The following ATAD2B variants were observed in gnomAD, a reference collection of about 807,000 sequenced individuals.
ATAD2B encodes the protein ATPase family AAA domain-containing protein 2B.
ATAD2B carries 40 observed loss-of-function variants against 167.6 expected under a neutral mutation model. The ratio of observed to expected loss-of-function variants is 0.24; its 90% CI spans 0.19 to 0.31. The LOEUF is 0.31. ATAD2B is among the 10% of genes least tolerant of loss of function. ATAD2B has a pLI of 1.00. For missense variants in ATAD2B, 1,242 were observed against 1,757.2 expected, an observed-to-expected ratio of 0.71 and a Z score of 5.24; for synonymous variants, 579 against 596.5, an observed-to-expected ratio of 0.97 and a Z score of 0.43.
chr2:23,831,736 A>C (rs1689105739), intron 14 of ATAD2B, among the ~76,000 whole-genome samples: 1 of 152,226 alleles, frequency 6.6e-6, no homozygotes, highest in African/African-American at 2.4e-5. Flanking sequence ...GCCAGCTCCT[A>C]TCTAAAGTCA....
chr2:23,716,417 G>C, the ATAD2B span, among the ~76,000 whole-genome samples: 1 of 150,424 alleles, frequency 6.6e-6, no homozygotes, highest in Non-Finnish European at 1.5e-5. Context: ...ATATTAGCCT[G>C]CACCTAAGGT....
At chr2:23,806,890 A>C (rs567575429) in intron 18 of ATAD2B, among the ~76,000 whole-genome samples, 1 of 152,362 alleles carries the variant, frequency 6.6e-6, no homozygotes, top group South Asian at 2.1e-4. Context: ...TTTAATCTGC[A>C]TAATTTGACT....
chr2:23,763,145 T>C (rs896996002), intron 23 of ATAD2B, among the ~76,000 whole-genome samples: 2 of 152,220 alleles, frequency 1.3e-5, no homozygotes, highest in Non-Finnish European at 1.5e-5. Context: ...TTTGTTCTTA[T>C]AGATTCCCTA....
chr2:23,811,046 CAAAT>C (rs538330780), intron 17 of ATAD2B: 3,437 of 122,972 alleles, frequency 0.028, 144 homozygotes, highest in African/African-American at 0.097. Context: ...AACAAACAAA[CAAAT>C]AATAAAATAA....
intron 4 of ATAD2B, among the ~76,000 whole-genome samples, chr2:23,886,728 G>C (rs996116063): frequency 5.5e-5 from 8 of 145,512 alleles, no homozygotes; most frequent in Non-Finnish European, 9.1e-5. Context: ...TCAGGAGATA[G>C]AGACCATCCT....
intron 17 of ATAD2B, among the ~76,000 whole-genome samples, chr2:23,810,948 T>C (rs1572860618): frequency 6.6e-6 from 1 of 151,138 alleles, no homozygotes; most frequent in African/African-American, 2.4e-5. Context: ...GAGGCGAAGG[T>C]TGCAGTGAGC....
Position 23,854,659 on chromosome 2 carries a change from C to A in ATAD2B, c.1568+2756G>T, listed in dbSNP as rs182996880. ...TGCCATTGCACTCCAGCCTGGGGCA[C>A]AAGATCGAGACTTCGTCTCAAAAAA... On this transcript the variant is annotated intron_variant, in intron 13 of 27. Transcript: ENST00000238789. Among the ~76,000 whole-genome samples the A allele has an allele frequency of 3.6e-3, 491 of 136,114 alleles. 4 individuals carry two copies. Among genetic ancestry groups the A allele is most frequent in the Non-Finnish European group, 6.4e-3 (410 of 64,292 alleles). The allele number at this position is 136,114 out of a possible 152,430, so 89.3% of individuals were successfully genotyped here.
intron 22 of ATAD2B, among the ~76,000 whole-genome samples, chr2:23,765,845 AAAC>A (rs1219684351): frequency 6.6e-6 from 1 of 152,188 alleles, no homozygotes; most frequent in African/African-American, 2.4e-5. Context: ...TCAAAGGACT[AAAC>A]CTATTACCAT....
intron 23 of ATAD2B, 129 bp downstream of exon 23, chr2:23,765,377 G>T (rs780389150): frequency 3.7e-6 from 3 of 803,408 alleles, no homozygotes; most frequent in Non-Finnish European, 5.1e-6. Context: ...ATTAGTATCA[G>T]AAATTAAATA....
intron 23 of ATAD2B, among the ~76,000 whole-genome samples, chr2:23,764,405 A>ATCTAATTCATAGG (rs1677136068): frequency 6.6e-6 from 1 of 152,218 alleles, no homozygotes; most frequent in Non-Finnish European, 1.5e-5. Context: ...TTCTCAGAGA[A>ATCTAATTCATAGG]TCTAATTCAT....
At chr2:23,820,042 TTATAAACAAAATTAA>T (rs2149625538) in intron 16 of ATAD2B, among the ~76,000 whole-genome samples, 160 bp from the exon 17 acceptor site, 1 of 152,216 alleles carries the variant, frequency 6.6e-6, no homozygotes, top group South Asian at 2.1e-4. Context: ...TTAAAATAAC[TTATAAACAAAATTAA>T]TATAACACTT....
chr2:23,919,231 T>G (rs867449625), intron 1 of ATAD2B, among the ~76,000 whole-genome samples: 20 of 151,754 alleles, frequency 1.3e-4, no homozygotes, highest in African/African-American at 4.8e-4. Flanking sequence ...TAATTTAAAG[T>G]GAGTCATACT....
chr2:23,825,640 G>A (rs1037890367), intron 15 of ATAD2B, among the ~76,000 whole-genome samples: 9 of 152,004 alleles, frequency 5.9e-5, no homozygotes, highest in African/African-American at 1.2e-4. Context: ...TTCCATTTCC[G>A]AGGAAATAGG....
chr2:23,835,949 AAT>A (rs1410886251), intron 13 of ATAD2B, among the ~76,000 whole-genome samples: 1 of 151,952 alleles, frequency 6.6e-6, no homozygotes, highest in African/African-American at 2.4e-5. Flanking sequence ...AAAAAAAAAA[AAT>A]GAGTGAACTG....
intron 22 of ATAD2B, among the ~76,000 whole-genome samples, chr2:23,767,079 T>C (rs2149334718): frequency 6.6e-6 from 1 of 152,322 alleles, no homozygotes; most frequent in East Asian, 1.9e-4. Context: ...TGTTCAATTC[T>C]TTGCCTTCTA....
intron 8 of ATAD2B, 51 bp downstream of exon 8, chr2:23,875,778 T>C: frequency 8.4e-7 from 1 of 1,189,136 alleles, no homozygotes; most frequent in South Asian, 1.3e-5. Flanking sequence ...AAAGACACAA[T>C]TAGTCTCTCA....
intron 14 of ATAD2B, 32 bp downstream of exon 14, chr2:23,833,887 A>T (rs1164546959): frequency 6.5e-7 from 1 of 1,533,378 alleles, no homozygotes; most frequent in Non-Finnish European, 8.8e-7. Context: ...ATTACATATA[A>T]ATGTTAACAT....
At chr2:23,742,243 A>T in the ATAD2B span, among the ~76,000 whole-genome samples, 2 of 152,190 alleles carry the variant, frequency 1.3e-5, no homozygotes, top group East Asian at 3.9e-4. Flanking sequence ...TGCTATAAAG[A>T]CACATGCACA....
chr2:23,730,468 C>T, the ATAD2B span, among the ~76,000 whole-genome samples: 1 of 151,466 alleles, frequency 6.6e-6, no homozygotes, highest in African/African-American at 2.4e-5. Flanking sequence ...AGATCGAGAC[C>T]ATCCTGGCTA....
Sources: allele counts gnomAD v4.1 joint callset (sites outside exome capture counted in the v4.1 genomes callset), GRCh38; gene constraint gnomAD v4.1.1; transcripts MANE v1.5; gene names NCBI Gene and HGNC (gene_info 2026-07-23, HGNC 2026-07-21).